CCBE1: variants seen among roughly 807,000 people sequenced by gnomAD.
The protein encoded by CCBE1 is collagen and calcium binding EGF domains 1, also known as collagen and calcium-binding EGF domain-containing protein 1.
Under a neutral mutation model 50.0 loss-of-function variants are expected in CCBE1, and 37 were observed. The observed-to-expected ratio is 0.74, with a 90% CI of 0.57 to 0.97. The LOEUF (loss-of-function observed/expected upper bound fraction) is 0.97, where lower values mean the gene tolerates loss of function less well. CCBE1 is among the 50% of genes least tolerant of loss of function. The probability of loss-of-function intolerance (pLI) is 0.00; values close to 1 mark genes in which losing one functional copy is unlikely to be tolerated. For synonymous variants in CCBE1, 234 were observed against 203.7 expected, an observed-to-expected ratio of 1.15 and a Z score of -1.27; for missense variants, 538 against 523.8, an observed-to-expected ratio of 1.03 and a Z score of -0.26.
intron 3 of CCBE1, among the ~76,000 whole-genome samples, chr18:59,474,644 C>CT (rs1418734715): frequency 6.6e-6 from 1 of 152,176 alleles, no homozygotes; most frequent in Non-Finnish European, 1.5e-5. Context: ...CTCTGGTGTA[C>CT]TCTCTTAGAA....
chr18:59,488,050 C>T (rs557174984), intron 2 of CCBE1, among the ~76,000 whole-genome samples: 3 of 152,170 alleles, frequency 2.0e-5, no homozygotes, highest in South Asian at 4.1e-4. Flanking sequence ...CATGGATGAA[C>T]CTTGAAGACA....
intron 2 of CCBE1, among the ~76,000 whole-genome samples, chr18:59,501,461 C>G (rs10469133): frequency 0.17 from 25,207 of 152,102 alleles, 2,434 homozygotes; most frequent in South Asian, 0.22. Flanking sequence ...AGTGGAGTCA[C>G]TAACAACCTG....
intron 2 of CCBE1, among the ~76,000 whole-genome samples, chr18:59,597,026 C>G (rs1156998037): frequency 6.6e-6 from 1 of 152,222 alleles, no homozygotes; most frequent in Non-Finnish European, 1.5e-5. Context: ...ATACTTTATT[C>G]AATAATCAAA....
chr18:59,442,751 T>C (rs1910491483), intron 7 of CCBE1, among the ~76,000 whole-genome samples: 1 of 151,822 alleles, frequency 6.6e-6, no homozygotes, highest in African/African-American at 2.4e-5. Context: ...TAAATAAAAA[T>C]AAAAATTGGG....
rs575050254 is a variant in CCBE1, at chr18:59,469,804, C to T, written c.266-197G>A. On this transcript the variant is annotated intron_variant, in intron 3 of 10. Transcript: ENST00000439986. ...GTACTGCAATGGGTAACTTACATGG[C>T]ATCACATCACTCGTGATTTTTCCCC... 1.6e-3 allele frequency among the ~76,000 whole-genome samples: 240 copies of T among 152,332 alleles called. 2 individuals are homozygous for T. The highest frequency in any genetic ancestry group is 5.3e-3 in the African/African-American group (221 of 41,564).
intron 2 of CCBE1, among the ~76,000 whole-genome samples, chr18:59,622,509 A>ATT (rs2053725896): frequency 4.4e-5 from 3 of 67,550 alleles, no homozygotes; most frequent in Admixed American, 3.7e-4. Flanking sequence ...ATCTTAAAGA[A>ATT]AAAAAAAAAA....
chr18:59,641,120 C>T (rs992510659), intron 2 of CCBE1, among the ~76,000 whole-genome samples: 19 of 152,044 alleles, frequency 1.2e-4, no homozygotes, highest in African/African-American at 4.6e-4. Flanking sequence ...TACTATTATA[C>T]CCAAATAAAA....
intron 6 of CCBE1, among the ~76,000 whole-genome samples, chr18:59,448,413 T>C (rs1310847410): frequency 6.6e-6 from 1 of 152,178 alleles, no homozygotes; most frequent in Non-Finnish European, 1.5e-5. Context: ...TACTCTCAAT[T>C]TTTCAATGAC....
chr18:59,663,894 G>T (rs924824948), intron 2 of CCBE1, among the ~76,000 whole-genome samples: 4 of 152,146 alleles, frequency 2.6e-5, no homozygotes, highest in African/African-American at 9.7e-5. Context: ...CACTAACCAA[G>T]ATCGAAAACA....
intron 2 of CCBE1, among the ~76,000 whole-genome samples, chr18:59,483,398 G>A (rs139721575): frequency 6.6e-6 from 1 of 152,244 alleles, no homozygotes; most frequent in African/African-American, 2.4e-5. Context: ...AATACCAGCT[G>A]AGCATCCCCA....
intron 2 of CCBE1, among the ~76,000 whole-genome samples, chr18:59,531,379 T>G (rs766684064): frequency 6.6e-6 from 1 of 152,124 alleles, no homozygotes; most frequent in Non-Finnish European, 1.5e-5. Flanking sequence ...AACAGTCTTA[T>G]GGGCTATCAA....
chr18:59,674,211 A>C (rs531302841), intron 2 of CCBE1, among the ~76,000 whole-genome samples: 1 of 152,230 alleles, frequency 6.6e-6, no homozygotes, highest in Non-Finnish European at 1.5e-5. Flanking sequence ...AATAGCAAAG[A>C]CTTGGAACCA....
At chr18:59,587,903 T>G (rs1213859717) in intron 2 of CCBE1, among the ~76,000 whole-genome samples, 2 of 152,224 alleles carry the variant, frequency 1.3e-5, no homozygotes, top group African/African-American at 4.8e-5. Context: ...GAAGATACTA[T>G]TTTTGATAGC....
intron 7 of CCBE1, among the ~76,000 whole-genome samples, chr18:59,443,047 G>C (rs1475162789): frequency 6.6e-6 from 1 of 152,126 alleles, no homozygotes; most frequent in Non-Finnish European, 1.5e-5. Context: ...ACAGCTCTGA[G>C]ACCATACCGA....
Position 59,686,608 on chromosome 18 carries a change from C to T in CCBE1, c.212+10021G>A, listed in dbSNP as rs377106405. ...TGTATATCCATCTTTGGTTCCTCAC[C>T]TCAAAGCCTTTTGTGATACCTATTT... On this transcript the variant is annotated intron_variant, in intron 2 of 10. Transcript: ENST00000439986. 2.1e-4 allele frequency among the ~76,000 whole-genome samples: 32 copies of T among 152,308 alleles called. No individual in the cohort carries two copies. The East Asian group carries it at 5.4e-3, about 26-fold the overall frequency.
At chr18:59,639,535 T>C (rs1037506691) in intron 2 of CCBE1, among the ~76,000 whole-genome samples, 1 of 152,130 alleles carries the variant, frequency 6.6e-6, no homozygotes, top group Non-Finnish European at 1.5e-5. Context: ...ATAGCCAACA[T>C]CATACTGAAT....
chr18:59,648,736 G>C (rs1365460895), intron 2 of CCBE1, among the ~76,000 whole-genome samples: 1 of 152,162 alleles, frequency 6.6e-6, no homozygotes, highest in Admixed American at 6.5e-5. Flanking sequence ...TCAGCAGCTG[G>C]AACAGGGCAA....
chr18:59,690,469 G>A (rs987697162), intron 2 of CCBE1, among the ~76,000 whole-genome samples: 1 of 152,186 alleles, frequency 6.6e-6, no homozygotes, highest in African/African-American at 2.4e-5. Context: ...CGGTCCTGCT[G>A]AGCAGGAGAA....
chr18:59,522,993 CAAAAA>C lies in CCBE1; in HGVS notation c.213-42760_213-42756del, dbSNP rs57217059. On this transcript the variant is annotated intron_variant, in intron 2 of 10. Coordinates refer to ENST00000439986, the MANE Select transcript of CCBE1 (RefSeq NM_133459.4). Reference sequence around the variant, plus strand: ...GGCAACAGAGTGAGAGACTCTGTTTCAAAAAAAAAAAAAAAAAAAATTCTCAATGT... The same window carrying C: ...GGCAACAGAGTGAGAGACTCTGTTTCAAAAAAAAAAAAAAATTCTCAATGT... Among the ~76,000 whole-genome samples the C allele has an allele frequency of 4.6e-4, 41 of 89,222 alleles. 1 individual carries two copies. Among genetic ancestry groups the C allele is most frequent in the Admixed American group, 9.1e-4 (7 of 7,670 alleles). The allele number at this position is 89,222 out of a possible 152,430, so 58.5% of individuals were successfully genotyped here.
Sources: gnomAD v4.1 joint callset for allele counts (sites outside exome capture counted in the v4.1 genomes callset) on GRCh38, gnomAD v4.1.1 for gene constraint, MANE v1.5 for transcripts, NCBI Gene and HGNC (gene_info 2026-07-23, HGNC 2026-07-21) for gene names.